Variants in SKA3 observed in about 807,000 individuals in gnomAD.
SKA3 encodes the protein spindle and kinetochore-associated protein 3.
A neutral mutation model predicts 44.2 loss-of-function variants in SKA3; 39 were observed. That is an observed-to-expected ratio of 0.88 (90% CI 0.68 to 1.15). The LOEUF is 1.15. Ranked by LOEUF, SKA3 falls within the 50% of genes most tolerant of loss-of-function variation. SKA3 has a pLI of 0.00. For missense variants in SKA3, 511 were observed against 485.8 expected, an observed-to-expected ratio of 1.05 and a Z score of -0.49; for synonymous variants, 192 against 172.0, an observed-to-expected ratio of 1.12 and a Z score of -0.91.
chr13:21,171,246 C>T (rs1871026981), intron 3 of SKA3, among the ~76,000 whole-genome samples: 1 of 152,132 alleles, frequency 6.6e-6, no homozygotes, highest in Non-Finnish European at 1.5e-5. Context: ...CTGCCACACA[C>T]ATCCTCAATA....
intron 1 of SKA3, among the ~76,000 whole-genome samples, chr13:21,173,113 T>C (rs1470381575): frequency 6.6e-6 from 1 of 152,198 alleles, no homozygotes; most frequent in Non-Finnish European, 1.5e-5. Flanking sequence ...AAATCCTAAG[T>C]ATATAGTTTA....
chr13:21,156,119 G>A (rs1303993771), intron 7 of SKA3, among the ~76,000 whole-genome samples: 6 of 151,486 alleles, frequency 4.0e-5, no homozygotes, highest in South Asian at 2.1e-4. Flanking sequence ...CCCCAGAGGC[G>A]GAGGTTGCAG....
intron 4 of SKA3, among the ~76,000 whole-genome samples, chr13:21,167,508 T>C (rs1402771688): frequency 6.6e-6 from 1 of 152,160 alleles, no homozygotes; most frequent in Non-Finnish European, 1.5e-5. Flanking sequence ...GGCTCACGCC[T>C]GTAATCCCAG....
intron 6 of SKA3, among the ~76,000 whole-genome samples, chr13:21,159,054 T>A (rs932478902): frequency 2.0e-5 from 3 of 152,186 alleles, no homozygotes; most frequent in Non-Finnish European, 4.4e-5. Context: ...CACAGCCACA[T>A]GGGGCTCTTT....
At chr13:21,172,076 G>A (rs2137381762) in intron 3 of SKA3, among the ~76,000 whole-genome samples, 1 of 152,294 alleles carries the variant, frequency 6.6e-6, no homozygotes, top group Admixed American at 6.5e-5. Context: ...AGGCCATCTA[G>A]CCTAAATGTG....
At chr13:21,164,457 G>T (rs1870599575) in intron 4 of SKA3, among the ~76,000 whole-genome samples, 1 of 152,142 alleles carries the variant, frequency 6.6e-6, no homozygotes, top group South Asian at 2.1e-4. Flanking sequence ...CTAGGTAAAA[G>T]GTTTTAAACA....
rs1871088301 is a variant in SKA3 at position 21,172,171 on chromosome 13, C to T, written c.331+168G>A. 3.2e-5 allele frequency: 15 copies of T among 468,048 alleles called. 1 individual carries two copies. In the South Asian group the frequency reaches 5.9e-4, roughly 18 times the overall value. 29.0% of individuals were successfully genotyped at this position (468,048 alleles called of 1,614,324 possible). On this transcript the variant is annotated intron_variant, in intron 3 of 8. Transcript: ENST00000314759. The stretch of plus-strand genomic sequence containing the variant: ...TTTTATATTACACCCCTGATTAGCA[C>T]TCCAAAAGCACACCACACAGTGAGA...
chr13:21,160,103 A>G (rs980393211), intron 5 of SKA3, 116 bp from the exon 6 acceptor site: 20 of 563,898 alleles, frequency 3.5e-5, no homozygotes, highest in Non-Finnish European at 4.2e-5. Flanking sequence ...AAAATTCAGC[A>G]AGGATGCAAG....
chr13:21,167,442 C>G (rs7995823), intron 4 of SKA3, among the ~76,000 whole-genome samples: 138,631 of 152,180 alleles, frequency 0.91, 63,521 homozygotes, highest in East Asian at 1. Flanking sequence ...GAGAAGATCT[C>G]TAATATAAAG....
chr13:21,168,502 A>G (rs908092550), intron 3 of SKA3, 103 bp from the exon 4 acceptor site: 3 of 928,782 alleles, frequency 3.2e-6, no homozygotes, highest in East Asian at 6.9e-5. Flanking sequence ...CAAATCAGCA[A>G]AAGTTCCAAT....
intron 1 of SKA3, among the ~76,000 whole-genome samples, chr13:21,173,022 A>G (rs1008231921): frequency 6.6e-6 from 1 of 152,230 alleles, no homozygotes; most frequent in Non-Finnish European, 1.5e-5. Flanking sequence ...TGTTCGCACA[A>G]TAACAAAATT....
intron 6 of SKA3, among the ~76,000 whole-genome samples, chr13:21,158,744 A>G (rs1039951438): frequency 6.6e-6 from 1 of 152,244 alleles, no homozygotes; most frequent in Non-Finnish European, 1.5e-5. Flanking sequence ...GTCAGACGAA[A>G]ATCACAGCAT....
intron 3 of SKA3, among the ~76,000 whole-genome samples, chr13:21,169,139 T>C (rs1355465648): frequency 6.6e-6 from 1 of 151,346 alleles, no homozygotes; most frequent in Non-Finnish European, 1.5e-5. Context: ...TAGGCAACAA[T>C]GGGGGAAGGC....
At chr13:21,162,271 T>G (rs895397004) in intron 4 of SKA3, among the ~76,000 whole-genome samples, 1 of 152,210 alleles carries the variant, frequency 6.6e-6, no homozygotes, top group Non-Finnish European at 1.5e-5. Context: ...AGAATATCAC[T>G]GAATACAAGA....
rs61950353 is a variant in SKA3, at chr13:21,168,172, C to T, written c.559G>A (p.Val187Ile). 202,372 of 1,608,332 alleles carry T rather than the reference C, an allele frequency of 0.13. 1 individual carries two copies. Among genetic ancestry groups the T allele is most frequent in the East Asian group, 0.22 (9,800 of 44,764 alleles). ...QAVNNYKEEP[V>I]IVTPPTKQSL... ...TGTTTGGTAGGTGGGGTTACAATTACGGGCTCTTCCTTATAGTTGTTCACT... is the reference window on the plus strand; with the variant it reads ...TGTTTGGTAGGTGGGGTTACAATTATGGGCTCTTCCTTATAGTTGTTCACT... The change falls in exon 4 of 9, where the codon GTA becomes ATA. Residue 187 changes from valine (V) to isoleucine (I), a missense_variant. Physicochemically the swap from Val to Ile is conservative, Grantham distance 29 (BLOSUM62 3). Transcript: ENST00000314759.
In SKA3 at chr13:21,158,116, T is replaced by C. The variant is rs138407947; in HGVS notation, c.925A>G (p.Asn309Asp). Residue 309 changes from asparagine (N) to aspartate (D), a missense_variant, in exon 7 of 9, where the codon AAT (asparagine) becomes GAT (aspartate). Physicochemically the swap from Asn to Asp is conservative, Grantham distance 23. Coordinates refer to ENST00000314759, the MANE Select transcript of SKA3 (RefSeq NM_145061.6). ...CTATTTGTTTTTGATAATGGGTAAT[T>C]TGTGGATACCTATTGAATAAAAATA... ...TKNSIALVST[N>D]YPLSKTNSSS... 3.3e-5 allele frequency: 53 copies of C among 1,587,492 alleles called. No individual in the cohort carries two copies. The highest frequency in any genetic ancestry group is 1.3e-4 in the African/African-American group (10 of 74,358).
At chr13:21,163,553 T>C (rs1870550109) in intron 4 of SKA3, among the ~76,000 whole-genome samples, 1 of 152,222 alleles carries the variant, frequency 6.6e-6, no homozygotes, top group Admixed American at 6.5e-5. Context: ...TTATGTCTTA[T>C]CAACACTGAA....
intron 8 of SKA3, among the ~76,000 whole-genome samples, 161 bp downstream of exon 8, chr13:21,155,532 G>C (rs1870064284): frequency 6.6e-6 from 1 of 151,690 alleles, no homozygotes; most frequent in South Asian, 2.1e-4. Flanking sequence ...TCAGCCTCCT[G>C]AGTAGCTGGG....
intron 5 of SKA3, among the ~76,000 whole-genome samples, chr13:21,160,810 T>G (rs17345648): frequency 0.42 from 63,422 of 152,118 alleles, 14,967 homozygotes; most frequent in East Asian, 0.71. Flanking sequence ...CACTACCTCC[T>G]AATCAGCAAA....
Sources: gnomAD v4.1 joint callset for allele counts (sites outside exome capture counted in the v4.1 genomes callset) on GRCh38, gnomAD v4.1.1 for gene constraint, MANE v1.5 for transcripts, NCBI Gene and HGNC (gene_info 2026-07-23, HGNC 2026-07-21) for gene names.